MYO3B: variants seen among roughly 807,000 people sequenced by gnomAD.
The protein encoded by MYO3B is myosin IIIB, also known as myosin-IIIb.
MYO3B carries 156 observed loss-of-function variants against 174.6 expected under a neutral mutation model. That is an observed-to-expected ratio of 0.89 (90% CI 0.78 to 1.02). The LOEUF (loss-of-function observed/expected upper bound fraction) is 1.02, where lower values mean the gene tolerates loss of function less well. Ranked by LOEUF, MYO3B falls within the 50% of genes least tolerant of loss-of-function variation. MYO3B has a pLI of 0.00. For missense variants in MYO3B, 1,632 were observed against 1,639.4 expected, an observed-to-expected ratio of 1.00 and a Z score of 0.08; for synonymous variants, 563 against 569.1, an observed-to-expected ratio of 0.99 and a Z score of 0.15.
At chr2:170,178,910 T>C (rs1408462591) in intron 1 of MYO3B, among the ~76,000 whole-genome samples, 1 of 152,210 alleles carries the variant, frequency 6.6e-6, no homozygotes, top group African/African-American at 2.4e-5. Flanking sequence ...AACATGACAA[T>C]GTAAACAATA....
intron 7 of MYO3B, among the ~76,000 whole-genome samples, chr2:170,249,683 T>C (rs934939671): frequency 1.3e-5 from 2 of 152,244 alleles, no homozygotes; most frequent in Non-Finnish European, 1.5e-5. Context: ...CAGTCCTGTC[T>C]GGTTGGGTTT....
At chr2:170,484,080 T>C (rs536848108) in intron 25 of MYO3B, among the ~76,000 whole-genome samples, 1 of 152,252 alleles carries the variant, frequency 6.6e-6, no homozygotes, top group South Asian at 2.1e-4. Flanking sequence ...CATGTTTGGG[T>C]AGGAGAAGAG....
intron 7 of MYO3B, among the ~76,000 whole-genome samples, chr2:170,274,089 C>CGA (rs111859976): frequency 3.0e-4 from 44 of 147,714 alleles, no homozygotes; most frequent in Admixed American, 7.5e-4. Context: ...AAGCAAACTA[C>CGA]GAGAGAGAGA....
intron 7 of MYO3B, among the ~76,000 whole-genome samples, chr2:170,259,295 G>A (rs963525000): frequency 1.3e-5 from 2 of 152,030 alleles, no homozygotes; most frequent in Non-Finnish European, 2.9e-5. Flanking sequence ...GAGGCATCAC[G>A]TCACTCAACT....
intron 7 of MYO3B, among the ~76,000 whole-genome samples, chr2:170,270,878 A>G (rs1329354143): frequency 6.6e-6 from 1 of 152,188 alleles, no homozygotes; most frequent in Non-Finnish European, 1.5e-5. Flanking sequence ...TTGTAGTTGA[A>G]TTTGGATGGT....
chr2:170,304,265 C>A (rs994323488), intron 7 of MYO3B, among the ~76,000 whole-genome samples: 1 of 151,850 alleles, frequency 6.6e-6, no homozygotes, highest in African/African-American at 2.4e-5. Flanking sequence ...ATGAAAACAC[C>A]ATTTTCTTAC....
chr2:170,331,049 G>A (rs147971418), intron 7 of MYO3B, among the ~76,000 whole-genome samples: 1 of 152,146 alleles, frequency 6.6e-6, no homozygotes, highest in Non-Finnish European at 1.5e-5. Context: ...CCTGCCAGGT[G>A]GACAAATTAG....
chr2:170,365,968 G>A (rs2105667338), intron 8 of MYO3B, among the ~76,000 whole-genome samples: 1 of 152,246 alleles, frequency 6.6e-6, no homozygotes, highest in African/African-American at 2.4e-5. Flanking sequence ...CAGCATACAG[G>A]GGAGTGAGGC....
chr2:170,491,556 G>T (rs1180482202), intron 25 of MYO3B, among the ~76,000 whole-genome samples: 4 of 152,158 alleles, frequency 2.6e-5, no homozygotes, highest in Non-Finnish European at 5.9e-5. Flanking sequence ...CTCCCGAGTA[G>T]CTGGGACTAT....
At chr2:170,490,858 A>G (rs1422538253) in intron 25 of MYO3B, among the ~76,000 whole-genome samples, 1 of 152,156 alleles carries the variant, frequency 6.6e-6, no homozygotes, top group Admixed American at 6.5e-5. Flanking sequence ...GTCATTCACA[A>G]TATTTCCCTG....
At chr2:170,520,605 A>G (rs1053756692) in intron 30 of MYO3B, among the ~76,000 whole-genome samples, 4 of 152,070 alleles carry the variant, frequency 2.6e-5, no homozygotes, top group African/African-American at 9.7e-5. Context: ...GATTTAAGCT[A>G]AAGCAAAAAG....
At chr2:170,533,673 G>A (rs1046290348) in intron 30 of MYO3B, among the ~76,000 whole-genome samples, 1 of 152,282 alleles carries the variant, frequency 6.6e-6, no homozygotes, top group East Asian at 1.9e-4. Flanking sequence ...ATTCTCCCTT[G>A]AAGTTTCCAT....
chr2:170,516,196 C>T (rs776129821), intron 29 of MYO3B, among the ~76,000 whole-genome samples: 6 of 152,136 alleles, frequency 3.9e-5, no homozygotes, highest in Non-Finnish European at 7.4e-5. Context: ...ACAAATCCCA[C>T]GATTCCCCAT....
chr2:170,227,912 C>T (rs531741587), intron 6 of MYO3B, among the ~76,000 whole-genome samples: 1 of 152,212 alleles, frequency 6.6e-6, no homozygotes, highest in South Asian at 2.1e-4. Context: ...GAATCTGTTT[C>T]CTGACTTGGT....
intron 32 of MYO3B, among the ~76,000 whole-genome samples, chr2:170,641,858 T>TGGGGGGGGGG (rs71008706): frequency 3.5e-5 from 1 of 28,858 alleles, no homozygotes; most frequent in Non-Finnish European, 4.9e-5. Context: ...TATTGTTAAG[T>TGGGGGGGGGG]GGGGGGGGGG....
Position 170,402,948 on chromosome 2 carries a change from G to A in MYO3B, c.2230G>A (p.Glu744Lys), listed in dbSNP as rs1205225593. The A allele has an allele frequency of 1.2e-6, 2 of 1,610,570 alleles. No homozygotes were observed. The highest frequency in any genetic ancestry group is 1.7e-5 in the Admixed American group (1 of 60,008). ...FEQLCINIAN[E>K]QIQYYFNQHV... ...GCAGCTCTGCATAAACATCGCCAATGAGCAAATCCAGTACTATTTCAATCA... is the reference window on the plus strand; with the variant it reads ...GCAGCTCTGCATAAACATCGCCAATAAGCAAATCCAGTACTATTTCAATCA... Residue 744 changes from glutamate to lysine, a missense_variant, in exon 19 of 35, where the codon GAG becomes AAG. Coordinates refer to ENST00000408978, the MANE Select transcript of MYO3B (RefSeq NM_138995.5).
At chr2:170,536,858 A>G (rs1294458847) in intron 30 of MYO3B, among the ~76,000 whole-genome samples, 1 of 152,088 alleles carries the variant, frequency 6.6e-6, no homozygotes, top group Non-Finnish European at 1.5e-5. Context: ...TGACTTGTTT[A>G]TCTGAAACTT....
chr2:170,310,755 T>G (rs2093734192), intron 7 of MYO3B, among the ~76,000 whole-genome samples: 1 of 150,154 alleles, frequency 6.7e-6, no homozygotes, highest in Non-Finnish European at 1.5e-5. Flanking sequence ...AGGCTATAGG[T>G]AAATTTAAAC....
intron 32 of MYO3B, among the ~76,000 whole-genome samples, chr2:170,582,350 T>G (rs1333082603): frequency 1.3e-5 from 2 of 152,170 alleles, no homozygotes; most frequent in Admixed American, 1.3e-4. Flanking sequence ...TCGTGGCAAA[T>G]GTGCGTGGGG....
Sources: gnomAD v4.1 joint callset for allele counts (sites outside exome capture counted in the v4.1 genomes callset) on GRCh38, gnomAD v4.1.1 for gene constraint, MANE v1.5 for transcripts, NCBI Gene and HGNC (gene_info 2026-07-23, HGNC 2026-07-21) for gene names.